DEFB1: variants seen among roughly 807,000 people sequenced by gnomAD.
DEFB1 encodes the protein beta-defensin 1.
A neutral mutation model predicts 2.6 loss-of-function variants in DEFB1; 4 were observed. The ratio of observed to expected loss-of-function variants is 1.53; its 90% confidence interval spans 0.76 to 3.51. The LOEUF (loss-of-function observed/expected upper bound fraction) is 3.51. Ranked by LOEUF, DEFB1 falls within the 30% of genes most tolerant of loss-of-function variation. The pLI is 0.01. For synonymous variants in DEFB1, 56 were observed against 28.5 expected, an observed-to-expected ratio of 1.96 and a Z score of -3.07; for missense variants, 162 against 76.9, an observed-to-expected ratio of 2.11 and a Z score of -4.14.
At position 6,877,443 on chromosome 8, in the gene DEFB1, C is replaced by T. The variant is rs5743422; in HGVS notation, c.61+354G>A. Reference sequence around the variant, plus strand: ...TGACGTGGGCTGAGGATGGGGCCGGCCCCTCTCTCTGCATAGGAAGCTGGC... The same window carrying T: ...TGACGTGGGCTGAGGATGGGGCCGGTCCCTCTCTCTGCATAGGAAGCTGGC... On this transcript the variant is annotated intron_variant, in intron 1 of 1. Transcript: ENST00000297439. Among the ~76,000 whole-genome samples the T allele has an allele frequency of 2.9e-3, 435 of 152,344 alleles. 2 individuals are homozygous for T. The highest frequency in any genetic ancestry group is 1.0e-2 in the African/African-American group (414 of 41,576).
intron 1 of DEFB1, 99 bp downstream of exon 1, chr8:6,877,698 C>T (rs1563399581): frequency 1.8e-6 from 2 of 1,101,590 alleles, no homozygotes; most frequent in Middle Eastern, 2.0e-4. Context: ...CTGCTTGTTC[C>T]TCGTCCCTTG....
intron 1 of DEFB1, among the ~76,000 whole-genome samples, chr8:6,874,149 A>G (rs1356840246): frequency 1.4e-5 from 2 of 147,334 alleles, no homozygotes; most frequent in Non-Finnish European, 3.1e-5. Flanking sequence ...ACACACACGC[A>G]CACACACGCA....
At chr8:6,873,834 C>T (rs1054588588) in intron 1 of DEFB1, among the ~76,000 whole-genome samples, 5 of 152,206 alleles carry the variant, frequency 3.3e-5, no homozygotes, top group Non-Finnish European at 7.3e-5. Flanking sequence ...ACTGAAGCTT[C>T]TGGTCCAGAG....
Position 6,874,153 on chromosome 8 carries a change from A to ACACACG in DEFB1, c.62-3328_62-3327insCGTGTG, listed in dbSNP as rs1242593555. Among the ~76,000 whole-genome samples the ACACACG allele has an allele frequency of 8.5e-3, 1,207 of 142,028 alleles. 34 individuals carry two copies. The highest frequency in any genetic ancestry group is 0.029 in the African/African-American group (1,148 of 39,132). The allele number at this position is 142,028 out of a possible 152,430, so 93.2% of individuals were successfully genotyped here. ...CACACACACACACACACACGCACACACACGCACATGTGCACTTTGTAGGTA... is the reference window on the plus strand; with the variant it reads ...CACACACACACACACACACGCACACACACACGCACGCACATGTGCACTTTGTAGGTA... On this transcript the variant is annotated intron_variant, in intron 1 of 1. Transcript: ENST00000297439.
Position 6,870,815 on chromosome 8 carries a change from G to T in DEFB1, c.73C>A (p.Leu25Ile). Residue 25 changes from leucine (L) to isoleucine (I), a missense_variant, in exon 2 of 2, where the codon CTC (leucine) becomes ATC (isoleucine). Coordinates refer to ENST00000297439, the MANE Select transcript of DEFB1 (RefSeq NM_005218.4). Reference sequence around the variant, plus strand: ...TCAGATCTGTGGCCAAGGCCTGTGAGAAAGTTACCACCTGTAAGGAGGGAA... The same window carrying T: ...TCAGATCTGTGGCCAAGGCCTGTGATAAAGTTACCACCTGTAAGGAGGGAA... ...LSEMASGGNF[L>I]TGLGHRSDHY... 1 of 1,613,034 alleles carries T rather than the reference G, an allele frequency of 6.2e-7. No homozygotes were observed. Among genetic ancestry groups the T allele is most frequent in the African/African-American group, 1.3e-5 (1 of 75,008 alleles).
intron 1 of DEFB1, 79 bp downstream of exon 1, chr8:6,877,717 AG>A: frequency 1.6e-6 from 2 of 1,283,506 alleles, no homozygotes; most frequent in Admixed American, 3.5e-5. Flanking sequence ...TGGGACACGG[AG>A]GCAGCCATCC....
In DEFB1 at chr8:6,870,702, C is replaced by T. The variant is rs779725983; in HGVS notation, c.186G>A (p.Gly62=). The T allele has an allele frequency of 1.2e-6, 2 of 1,614,180 alleles. No individual in the cohort carries two copies. Among genetic ancestry groups the T allele is most frequent in the South Asian group, 1.1e-5 (1 of 91,062 alleles). ...FTKIQGTCYR[G]KAKCCK is the part of the protein sequence containing the mutation. The stretch of plus-strand genomic sequence containing the variant: ...CAGCTCACTTGCAGCACTTGGCCTT[C>T]CCTCTGTAACAGGTGCCTTGAATTT... The change falls in exon 2 of 2, where the codon GGG becomes GGA. Residue 62 remains glycine (G), a synonymous_variant. Transcript: ENST00000297439.
In DEFB1 at chr8:6,877,853, C is replaced by G. The variant is rs1007112265; in HGVS notation, c.5G>C (p.Arg2Thr). 1 of 1,613,964 alleles carries G rather than the reference C, an allele frequency of 6.2e-7. No homozygotes were observed. Among genetic ancestry groups the G allele is most frequent in the Non-Finnish European group, 8.5e-7 (1 of 1,179,906 alleles). M[R>T]TSYLLLFTLC... Reference sequence around the variant, plus strand: ...AGTAAACAGCAGAAGGTAGGAAGTTCTCATGGCGACTGGCAGGCAACACCC... The same window carrying G: ...AGTAAACAGCAGAAGGTAGGAAGTTGTCATGGCGACTGGCAGGCAACACCC... Residue 2 changes from arginine to threonine, a missense_variant, in exon 1 of 2, where the codon AGA (arginine) becomes ACA (threonine). Coordinates refer to ENST00000297439, the MANE Select transcript of DEFB1 (RefSeq NM_005218.4).
chr8:6,872,961 T>C (rs1344577605), intron 1 of DEFB1, among the ~76,000 whole-genome samples: 1 of 152,210 alleles, frequency 6.6e-6, no homozygotes, highest in Non-Finnish European at 1.5e-5. Flanking sequence ...GATTATCTGT[T>C]ATTAGAGAGA....
intron 1 of DEFB1, among the ~76,000 whole-genome samples, chr8:6,874,875 G>A (rs565694643): frequency 7.2e-5 from 11 of 152,026 alleles, no homozygotes; most frequent in African/African-American, 2.2e-4. Flanking sequence ...CCAGCCACTC[G>A]GGAGGCTGAG....
intron 1 of DEFB1, among the ~76,000 whole-genome samples, chr8:6,875,269 G>A (rs759057433): frequency 1.5e-4 from 23 of 152,096 alleles, no homozygotes; most frequent in Non-Finnish European, 2.2e-4. Flanking sequence ...TGACACATTC[G>A]ACTACATTGA....
intron 1 of DEFB1, among the ~76,000 whole-genome samples, chr8:6,876,845 C>CAAAAAAAAAAAAAA (rs34563802): frequency 2.1e-4 from 12 of 57,920 alleles, no homozygotes; most frequent in East Asian, 6.0e-4. Context: ...AACCAAAAAC[C>CAAAAAAAAAAAAAA]AAAAAAAAAA....
At chr8:6,876,863 A>G (rs921439057) in intron 1 of DEFB1, among the ~76,000 whole-genome samples, 30 of 151,752 alleles carry the variant, frequency 2.0e-4, no homozygotes, top group Non-Finnish European at 3.4e-4. Context: ...AAAACAAAAA[A>G]ACAAAATCCA....
At chr8:6,876,424 C>T (rs1184693171) in intron 1 of DEFB1, among the ~76,000 whole-genome samples, 4 of 152,048 alleles carry the variant, frequency 2.6e-5, no homozygotes, top group African/African-American at 9.7e-5. Flanking sequence ...TTGCAGTGAG[C>T]TGAGATTGTG....
At position 6,871,783 on chromosome 8, in the gene DEFB1, A is replaced by G. The variant is rs562469781; in HGVS notation, c.62-957T>C. On this transcript the variant is annotated intron_variant, in intron 1 of 1. Coordinates refer to ENST00000297439, the MANE Select transcript of DEFB1 (RefSeq NM_005218.4). Reference sequence around the variant, plus strand: ...GGTCATCTACCAGCCAAGGACAGACACCTGAGAAGAAGCCAACCCTGCTTC... The same window carrying G: ...GGTCATCTACCAGCCAAGGACAGACGCCTGAGAAGAAGCCAACCCTGCTTC... Among the ~76,000 whole-genome samples the G allele has an allele frequency of 2.0e-5, 3 of 152,276 alleles. No individual in the cohort carries two copies. The South Asian group carries it at 6.2e-4, about 32-fold the overall frequency.
At position 6,870,714 on chromosome 8, in the gene DEFB1, G is replaced by C. The variant is rs149655480; in HGVS notation, c.174C>G (p.Thr58=). Residue 58 remains threonine (T), a synonymous_variant, in exon 2 of 2, where the codon ACC becomes ACG. Coordinates refer to ENST00000297439, the MANE Select transcript of DEFB1 (RefSeq NM_005218.4). ...ACPIFTKIQG[T]CYRGKAKCCK ...AGCACTTGGCCTTCCCTCTGTAACA[G>C]GTGCCTTGAATTTTGGTAAAGATCG... 7 of 1,614,094 alleles carry C rather than the reference G, an allele frequency of 4.3e-6. No homozygotes were observed. The African/African-American group carries it at 8.0e-5, about 18-fold the overall frequency.
Position 6,874,203 on chromosome 8 carries a change from A to C in DEFB1, c.62-3377T>G, listed in dbSNP as rs75053262. Among the ~76,000 whole-genome samples, 1,357 of 152,220 alleles carry C rather than the reference A, an allele frequency of 8.9e-3. 26 individuals carry two copies. Among genetic ancestry groups the C allele is most frequent in the African/African-American group, 0.031 (1,289 of 41,526 alleles). ...ATTAGAGAACCAACAGTAAAGAATT[A>C]CTAGGTCAAGATTTGAGAGAAAGAC... On this transcript the variant is annotated intron_variant, in intron 1 of 1. Coordinates refer to ENST00000297439, the MANE Select transcript of DEFB1 (RefSeq NM_005218.4).
At chr8:6,876,121 T>C (rs1275227424) in intron 1 of DEFB1, among the ~76,000 whole-genome samples, 1 of 152,112 alleles carries the variant, frequency 6.6e-6, no homozygotes, top group Non-Finnish European at 1.5e-5. Context: ...AACTGAAATA[T>C]GGGTGTAATT....
chr8:6,875,028 G>C (rs1806472191), intron 1 of DEFB1, among the ~76,000 whole-genome samples: 1 of 146,128 alleles, frequency 6.8e-6, no homozygotes, highest in Admixed American at 6.9e-5. Context: ...TCATATTGGG[G>C]AAAAAAAGTA....
Sources: gnomAD v4.1 joint callset for allele counts (sites outside exome capture counted in the v4.1 genomes callset) on GRCh38, gnomAD v4.1.1 for gene constraint, MANE v1.5 for transcripts, NCBI Gene and HGNC (gene_info 2026-07-23, HGNC 2026-07-21) for gene names.